WWC2: variants seen among roughly 807,000 people sequenced by gnomAD.
WWC2 encodes protein WWC2.
WWC2 carries 101 observed loss-of-function variants against 138.5 expected under a neutral mutation model. The observed-to-expected ratio is 0.73, with a 90% CI of 0.62 to 0.86. The LOEUF (loss-of-function observed/expected upper bound fraction) is 0.86. Among genes scored for constraint, WWC2 ranks in the 40% least tolerant of loss-of-function variants. WWC2 has a pLI of 0.00. For missense variants in WWC2, 1,420 were observed against 1,419.4 expected (o/e 1.00, Z -0.01); for synonymous variants, 558 against 538.4 (o/e 1.04, Z -0.50).
rs186086811 is a variant in WWC2 at position 183,304,583 on chromosome 4, T to C, written c.3385-7758T>C. The stretch of plus-strand genomic sequence containing the variant: ...ACTTAACTGACTTTGGTAAGGGAAA[T>C]ACTCAACTCTAGCCCCCTCTAGTCT... On this transcript the variant is annotated intron_variant, in intron 21 of 22. Coordinates refer to ENST00000403733, the MANE Select transcript of WWC2 (RefSeq NM_024949.6). 2.1e-3 allele frequency among the ~76,000 whole-genome samples: 313 copies of C among 152,206 alleles called. 3 individuals carry two copies. The highest frequency in any genetic ancestry group is 3.5e-3 in the Admixed American group (54 of 15,286).
intron 2 of WWC2, among the ~76,000 whole-genome samples, chr4:183,205,389 C>A (rs1735421017): frequency 6.6e-6 from 1 of 152,170 alleles, no homozygotes; most frequent in South Asian, 2.1e-4. Context: ...TATTTTTGGA[C>A]TCTATTCTGT....
chr4:183,134,162 T>A (rs1733037562), intron 1 of WWC2, among the ~76,000 whole-genome samples: 1 of 152,160 alleles, frequency 6.6e-6, no homozygotes. Context: ...TTTGTAGTTC[T>A]TTTTGTTTGC....
At chr4:183,213,724 C>G (rs1238631868) in intron 4 of WWC2, among the ~76,000 whole-genome samples, 8 of 152,102 alleles carry the variant, frequency 5.3e-5, no homozygotes, top group African/African-American at 1.7e-4. Flanking sequence ...TGCATTAGTG[C>G]TTTTTATTAA....
At chr4:183,276,104 T>G (rs922259880) in intron 16 of WWC2, among the ~76,000 whole-genome samples, 13 of 152,154 alleles carry the variant, frequency 8.5e-5, no homozygotes, top group Non-Finnish European at 2.9e-5. Flanking sequence ...TGTTTTAAAA[T>G]CTACTTTGTC....
At chr4:183,128,701 G>T (rs907483271) in intron 1 of WWC2, among the ~76,000 whole-genome samples, 1 of 152,144 alleles carries the variant, frequency 6.6e-6, no homozygotes, top group Non-Finnish European at 1.5e-5. Context: ...CAGGGCCAGC[G>T]CAATGCTTGA....
intron 4 of WWC2, among the ~76,000 whole-genome samples, chr4:183,220,258 T>G (rs1471471479): frequency 2.6e-5 from 4 of 152,156 alleles, no homozygotes; most frequent in Admixed American, 2.6e-4. Flanking sequence ...TGTGATAATT[T>G]GACCAGAGAG....
At chr4:183,232,178 T>G (rs2111290377) in intron 4 of WWC2, among the ~76,000 whole-genome samples, 1 of 152,342 alleles carries the variant, frequency 6.6e-6, no homozygotes, top group East Asian at 1.9e-4. Flanking sequence ...AATGACATAA[T>G]GCTTTTGTCT....
chr4:183,229,401 A>G (rs1436916621), intron 4 of WWC2, among the ~76,000 whole-genome samples: 1 of 152,082 alleles, frequency 6.6e-6, no homozygotes, highest in Non-Finnish European at 1.5e-5. Context: ...TGGTTTGAAC[A>G]TGTCTGCTAA....
chr4:183,197,230 G>A (rs974775963), intron 2 of WWC2, among the ~76,000 whole-genome samples: 5 of 152,152 alleles, frequency 3.3e-5, no homozygotes, highest in Non-Finnish European at 7.4e-5. Context: ...TTGCTGTAAT[G>A]GTAATGGTAT....
intron 4 of WWC2, 71 bp downstream of exon 4, chr4:183,209,096 T>C (rs1351094257): frequency 9.2e-7 from 1 of 1,081,090 alleles, no homozygotes; most frequent in South Asian, 1.4e-5. Flanking sequence ...GAAGGGGCTT[T>C]AGTGATCAGT....
intron 1 of WWC2, among the ~76,000 whole-genome samples, chr4:183,154,026 A>AAAAAAAAACAAAAAAAC (rs1561438959): frequency 2.1e-5 from 3 of 145,596 alleles, no homozygotes; most frequent in African/African-American, 8.3e-5. Flanking sequence ...AAAAAAAAAA[A>AAAAAAAAACAAAAAAAC]AACCCCAAAT....
intron 18 of WWC2, among the ~76,000 whole-genome samples, chr4:183,283,127 T>C (rs1283393442): frequency 6.6e-6 from 1 of 152,212 alleles, no homozygotes; most frequent in Admixed American, 6.5e-5. Context: ...TTGGAGAATA[T>C]ATAAGAAGAG....
intron 10 of WWC2, 74 bp from the exon 11 acceptor site, chr4:183,260,836 A>C: frequency 4.6e-6 from 7 of 1,536,862 alleles, no homozygotes; most frequent in Non-Finnish European, 6.1e-6. Flanking sequence ...GCAGATCTGA[A>C]GGAGCCAGTA....
At chr4:183,134,994 C>T (rs539957845) in intron 1 of WWC2, among the ~76,000 whole-genome samples, 21 of 151,860 alleles carry the variant, frequency 1.4e-4, no homozygotes, top group Non-Finnish European at 2.6e-4. Flanking sequence ...TGCAGTGGCA[C>T]GATCTTGGCT....
chr4:183,141,847 G>A (rs1400270746), intron 1 of WWC2, among the ~76,000 whole-genome samples: 1 of 152,132 alleles, frequency 6.6e-6, no homozygotes, highest in Non-Finnish European at 1.5e-5. Context: ...ACAAATGTCT[G>A]TTTGTCCTGC....
intron 4 of WWC2, among the ~76,000 whole-genome samples, chr4:183,226,669 A>G (rs1257244278): frequency 6.6e-6 from 1 of 152,104 alleles, no homozygotes; most frequent in Non-Finnish European, 1.5e-5. Context: ...AAAACAAACA[A>G]ACAAAAAACA....
chr4:183,109,026 A>G (rs1446008842), intron 1 of WWC2, among the ~76,000 whole-genome samples: 1 of 152,228 alleles, frequency 6.6e-6, no homozygotes, highest in African/African-American at 2.4e-5. Context: ...CTATAAATCT[A>G]AGACTGTTCT....
chr4:183,248,159 A>G (rs976211393), intron 6 of WWC2, among the ~76,000 whole-genome samples: 2 of 152,184 alleles, frequency 1.3e-5, no homozygotes, highest in Non-Finnish European at 2.9e-5. Context: ...CAGTAGACAC[A>G]CAGATGGGCT....
In WWC2 at chr4:183,247,584, A is replaced by ATG. The variant is rs1304877099; in HGVS notation, c.733-1130_733-1129insTG. On this transcript the variant is annotated intron_variant, in intron 6 of 22. Coordinates refer to ENST00000403733, the MANE Select transcript of WWC2 (RefSeq NM_024949.6). ...ACTATATATGCTCTATATACTATAT[A>ATG]CTATATATATGCTATATATGCTATA... Among the ~76,000 whole-genome samples the ATG allele has an allele frequency of 1.1e-3, 160 of 140,480 alleles. 3 individuals are homozygous for ATG. The highest frequency in any genetic ancestry group is 4.2e-3 in the African/African-American group (153 of 36,838). The allele number at this position is 140,480 out of a possible 152,430, so 92.2% of individuals were successfully genotyped here. A position where few individuals can be genotyped will look rare whatever the true frequency, so the allele number is the denominator to read the frequency against.
Sources: gnomAD v4.1 joint callset for allele counts (sites outside exome capture counted in the v4.1 genomes callset) on GRCh38, gnomAD v4.1.1 for gene constraint, MANE v1.5 for transcripts, NCBI Gene and HGNC (gene_info 2026-07-23, HGNC 2026-07-21) for gene names.